The following ZC3H13 variants were observed in gnomAD, a reference collection of about 807,000 sequenced individuals.
ZC3H13 encodes zinc finger CCCH-type containing 13.
In ZC3H13, 64 loss-of-function variants were observed where a neutral mutation model predicts 204.1. That is an observed-to-expected ratio of 0.31 (90% CI 0.26 to 0.39). The LOEUF (loss-of-function observed/expected upper bound fraction) is 0.39, where lower values mean the gene tolerates loss of function less well. Among genes scored for constraint, ZC3H13 ranks in the 10% least tolerant of loss-of-function variants. ZC3H13 has a pLI of 1.00. For missense variants in ZC3H13, 1,833 were observed against 2,082.7 expected (o/e 0.88, Z 2.33); for synonymous variants, 667 against 693.7 (o/e 0.96, Z 0.60).
At chr13:46,021,344 C>A (rs933315926) in intron 4 of ZC3H13, among the ~76,000 whole-genome samples, 1 of 151,874 alleles carries the variant, frequency 6.6e-6, no homozygotes, top group Non-Finnish European at 1.5e-5. Flanking sequence ...AACTCCAAAT[C>A]ATATTTTACT....
chr13:46,002,899 A>T (rs913981339), intron 8 of ZC3H13, among the ~76,000 whole-genome samples: 1 of 78,122 alleles, frequency 1.3e-5, no homozygotes, highest in Non-Finnish European at 2.4e-5. Flanking sequence ...AATGATGAAG[A>T]TGGTACATTT....
Position 45,984,761 on chromosome 13 carries a change from G to C in ZC3H13, c.1720+536C>G, listed in dbSNP as rs925171234. 1.6e-4 allele frequency among the ~76,000 whole-genome samples: 24 copies of C among 152,268 alleles called. No homozygotes were observed. The South Asian group carries it at 3.9e-3, about 25-fold the overall frequency. ...AGGTCATGATAATTAAGTCTCAGCA[G>C]TTTGGAAATAGTTACAATATATTTA... On this transcript the variant is annotated intron_variant, in intron 10 of 18. Coordinates refer to ENST00000679008, the MANE Select transcript of ZC3H13 (RefSeq NM_001330564.2).
intron 4 of ZC3H13, among the ~76,000 whole-genome samples, chr13:46,034,059 T>C (rs140252646): frequency 6.6e-6 from 1 of 152,010 alleles, no homozygotes; most frequent in East Asian, 1.9e-4. Context: ...AATAAACATA[T>C]GAAAAGATGT....
chr13:46,050,074 CA>C (rs2044291020), intron 1 of ZC3H13, among the ~76,000 whole-genome samples: 1 of 151,918 alleles, frequency 6.6e-6, no homozygotes, highest in Non-Finnish European at 1.5e-5. Context: ...TCTCCATTTG[CA>C]GAGCAAATGA....
intron 5 of ZC3H13, among the ~76,000 whole-genome samples, chr13:46,017,174 A>T (rs1483667648): frequency 6.6e-6 from 1 of 152,172 alleles, no homozygotes; most frequent in Non-Finnish European, 1.5e-5. Context: ...TGAGAAAAGA[A>T]GATGGCTAGG....
intron 11 of ZC3H13, 33 bp downstream of exon 11, chr13:45,979,780 G>A: frequency 6.5e-7 from 1 of 1,527,244 alleles, no homozygotes; most frequent in East Asian, 2.3e-5. Flanking sequence ...AATTGATATT[G>A]TTCACTATTT....
At position 45,985,285 on chromosome 13, in the gene ZC3H13, C is replaced by A; in HGVS notation, c.1720+12G>T. ...TATAAGATATAGTTCATAGACAAGT[C>A]AAAAACCTTACCCTTTTCAGGTAAC... On this transcript the variant is annotated intron_variant, in intron 10 of 18. Transcript: ENST00000679008. 1.9e-6 allele frequency: 3 copies of A among 1,598,034 alleles called. No homozygotes were observed. The highest frequency in any genetic ancestry group is 2.6e-6 in the Non-Finnish European group (3 of 1,173,228).
intron 7 of ZC3H13, among the ~76,000 whole-genome samples, chr13:46,006,616 A>C (rs1259849177): frequency 1.4e-5 from 2 of 146,946 alleles, no homozygotes; most frequent in Non-Finnish European, 3.0e-5. Flanking sequence ...CTCACTATCT[A>C]CTGATATTTA....
At chr13:46,045,280 CT>C in intron 2 of ZC3H13, 110 bp downstream of exon 2, 1 of 1,072,314 alleles carries the variant, frequency 9.3e-7, no homozygotes, top group Non-Finnish European at 1.4e-6. Flanking sequence ...AAAAAATTTA[CT>C]GAACAAACAT....
rs1205655513 is a variant in ZC3H13, at chr13:45,975,557, C to T, written c.2194G>A (p.Asp732Asn). 12 of 1,584,934 alleles carry T rather than the reference C, an allele frequency of 7.6e-6. No individual in the cohort carries two copies. The highest frequency in any genetic ancestry group is 1.0e-5 in the Non-Finnish European group (12 of 1,165,600). ...ERDRERDRDRDHDRERERERE... is the reference protein window; with the variant it reads ...ERDRERDRDRNHDRERERERE... ...TCTCTTTCCCGCTCTCGATCGTGGTCTCGGTCTCTATCCCTTTCACGATCT... is the reference window on the plus strand; with the variant it reads ...TCTCTTTCCCGCTCTCGATCGTGGTTTCGGTCTCTATCCCTTTCACGATCT... Residue 732 changes from aspartate (D) to asparagine (N), a missense_variant, in exon 12 of 19, where the codon GAC (aspartate) becomes AAC (asparagine). Asp to Asn is a conservative substitution (Grantham distance 23, BLOSUM62 1). Coordinates refer to ENST00000679008, the MANE Select transcript of ZC3H13 (RefSeq NM_001330564.2).
At chr13:46,026,038 C>T (rs1399376935) in intron 4 of ZC3H13, among the ~76,000 whole-genome samples, 2 of 152,062 alleles carry the variant, frequency 1.3e-5, no homozygotes, top group East Asian at 3.9e-4. Context: ...ATTCACAGAT[C>T]TGCAGTTTCA....
chr13:46,048,937 T>A (rs966617466), intron 1 of ZC3H13, among the ~76,000 whole-genome samples: 1 of 151,848 alleles, frequency 6.6e-6, no homozygotes, highest in African/African-American at 2.4e-5. Flanking sequence ...GAGACCATCC[T>A]GGCCAACAGA....
intron 12 of ZC3H13, among the ~76,000 whole-genome samples, chr13:45,973,363 A>G (rs1750079023): frequency 6.6e-6 from 1 of 152,216 alleles, no homozygotes; most frequent in Non-Finnish European, 1.5e-5. Context: ...TCATGTAATT[A>G]GTTTCTGTTA....
At chr13:46,045,558 A>G (rs2043890929) in intron 1 of ZC3H13, 42 bp from the exon 2 acceptor site, 1 of 1,377,726 alleles carries the variant, frequency 7.3e-7, no homozygotes, top group Admixed American at 1.7e-5. Context: ...AAAATTCCTC[A>G]GTTTTAAATA....
At chr13:45,995,842 A>G (rs1006378937) in intron 8 of ZC3H13, among the ~76,000 whole-genome samples, 1 of 152,202 alleles carries the variant, frequency 6.6e-6, no homozygotes, top group African/African-American at 2.4e-5. Flanking sequence ...GTATTTCTTT[A>G]TAGCAATACA....
rs377283631 is a variant in ZC3H13 at position 45,979,617 on chromosome 13, G to T, written c.1912+196C>A. ...TGCACTTTGTTGCCAGTAGGTACTG[G>T]TCACTAGCTATTGACATAATCCCTC... On this transcript the variant is annotated intron_variant, in intron 11 of 18. Coordinates refer to ENST00000679008, the MANE Select transcript of ZC3H13 (RefSeq NM_001330564.2). Among the ~76,000 whole-genome samples the T allele has an allele frequency of 3.9e-5, 6 of 152,062 alleles. 1 individual carries two copies. The East Asian group carries it at 1.2e-3, about 29-fold the overall frequency.
intron 18 of ZC3H13, among the ~76,000 whole-genome samples, chr13:45,958,072 CT>C (rs1951396495): frequency 6.6e-6 from 1 of 152,152 alleles, no homozygotes; most frequent in Non-Finnish European, 1.5e-5. Flanking sequence ...CAAAAGTAAT[CT>C]TGAACCAGAC....
intron 3 of ZC3H13, among the ~76,000 whole-genome samples, chr13:46,043,943 C>T (rs1422929129): frequency 3.3e-5 from 5 of 151,802 alleles, no homozygotes; most frequent in African/African-American, 4.8e-5. Context: ...TATGTATCTA[C>T]GTGTATATAT....
At chr13:46,036,372 A>C (rs2043211521) in intron 4 of ZC3H13, among the ~76,000 whole-genome samples, 1 of 152,222 alleles carries the variant, frequency 6.6e-6, no homozygotes, top group Admixed American at 6.5e-5. Flanking sequence ...TAGACTGAGA[A>C]TTGAAAAAGT....
Sources: allele counts gnomAD v4.1 joint callset (sites outside exome capture counted in the v4.1 genomes callset), GRCh38; gene constraint gnomAD v4.1.1; transcripts MANE v1.5; gene names NCBI Gene and HGNC (gene_info 2026-07-23, HGNC 2026-07-21).